PBK: variants seen among roughly 807,000 people sequenced by gnomAD.
PBK encodes lymphokine-activated killer T-cell-originated protein kinase.
In PBK, 22 loss-of-function variants were observed where a neutral mutation model predicts 33.5. The observed-to-expected ratio is 0.66, with a 90% CI of 0.47 to 0.94. PBK has a LOEUF of 0.94. Ranked by LOEUF, PBK falls within the 40% of genes least tolerant of loss-of-function variation. PBK has a pLI of 0.00. For missense variants in PBK, 376 were observed against 383.4 expected, an observed-to-expected ratio of 0.98 and a Z score of 0.16; for synonymous variants, 129 against 123.8, an observed-to-expected ratio of 1.04 and a Z score of -0.28.
rs763588842 is a variant in PBK at position 27,823,195 on chromosome 8, C to T, written c.163G>A (p.Gly55Ser). 1.3e-6 allele frequency: 2 copies of T among 1,509,688 alleles called. No individual in the cohort carries two copies. Among genetic ancestry groups the T allele is most frequent in the South Asian group, 2.5e-5 (2 of 80,698 alleles). 93.5% of individuals were successfully genotyped at this position (1,509,688 alleles called of 1,614,324 possible). A position where few individuals can be genotyped will look rare whatever the true frequency, so the allele number is the denominator to read the frequency against. ...ACAGCCCAAGGAGAATGAGACAAAC[C>T]TCTTGGAGATCTAAGAAAAAAATTC... ...NVYLMKRSPRGLSHSPWAVKK... is the reference protein window; with the variant it reads ...NVYLMKRSPRSLSHSPWAVKK... The change falls in exon 4 of 8, where the codon GGT (glycine) becomes AGT (serine). Residue 55 changes from glycine to serine, a missense_variant. Coordinates refer to ENST00000301905, the MANE Select transcript of PBK (RefSeq NM_018492.4).
rs200751478 is a variant in PBK, at chr8:27,836,146, A to T, written c.-21+1506T>A. On this transcript the variant is annotated intron_variant, in intron 1 of 7. Transcript: ENST00000301905. ...CAAGAAAGGTCTCCTTGAGAAACTC[A>T]TTTGAAGGAAGTGAGGGAGCAGGCC... 1.9e-4 allele frequency among the ~76,000 whole-genome samples: 29 copies of T among 152,326 alleles called. No homozygotes were observed. The East Asian group carries it at 4.6e-3, about 24-fold the overall frequency.
chr8:27,813,654 C>G lies in PBK; in HGVS notation c.596-2520G>C, dbSNP rs1805747869. The stretch of plus-strand genomic sequence containing the variant: ...TTGTGTGTGTGAGAATACTCAAGAT[C>G]TACTCTCAGCAAATCTCAAGTGTAC... On this transcript the variant is annotated intron_variant, in intron 6 of 7. Transcript: ENST00000301905. 4.0e-5 allele frequency among the ~76,000 whole-genome samples: 6 copies of G among 151,664 alleles called. No individual in the cohort carries two copies. In the South Asian group the frequency reaches 8.4e-4, roughly 21 times the overall value.
intron 2 of PBK, among the ~76,000 whole-genome samples, chr8:27,828,707 CT>C: frequency 7.9e-6 from 1 of 125,914 alleles, no homozygotes; most frequent in East Asian, 2.4e-4. Context: ...GTGCAGTGAG[CT>C]GTGTTCAGCC....
intron 7 of PBK, among the ~76,000 whole-genome samples, 183 bp from the exon 8 acceptor site, chr8:27,810,684 T>G (rs1034226216): frequency 2.0e-5 from 3 of 152,190 alleles, no homozygotes; most frequent in African/African-American, 7.2e-5. Flanking sequence ...GTCTTGGATT[T>G]ATAGGTTATC....
intron 6 of PBK, 126 bp from the exon 7 acceptor site, chr8:27,811,260 T>TA (rs1303954777): frequency 1.1e-5 from 8 of 748,950 alleles, no homozygotes; most frequent in East Asian, 1.0e-4. Context: ...CCAGAAAATG[T>TA]AAAAATACAC....
rs149510232 is a variant in PBK, at chr8:27,826,148, C to G, written c.152+1957G>C. 7.9e-3 allele frequency among the ~76,000 whole-genome samples: 1,202 copies of G among 152,122 alleles called. 14 individuals carry two copies. Among genetic ancestry groups the G allele is most frequent in the African/African-American group, 0.027 (1,137 of 41,484 alleles). On this transcript the variant is annotated intron_variant, in intron 3 of 7. Coordinates refer to ENST00000301905, the MANE Select transcript of PBK (RefSeq NM_018492.4). ...GTCAAAAAGGCTTCATAATTCTCAA[C>G]AGCAACAGTGTAAGCTAGAAAAAAA...
chr8:27,820,505 A>T, intron 6 of PBK, 60 bp downstream of exon 6: 4 of 978,864 alleles, frequency 4.1e-6, no homozygotes, highest in Non-Finnish European at 6.2e-6. Flanking sequence ...GGACTTACGT[A>T]TTTAAAAATG....
rs1806254036 is a variant in PBK, at chr8:27,837,688, A to C, written c.-57T>G. On this transcript the variant is annotated 5_prime_UTR_variant, in exon 1 of 8. Transcript: ENST00000301905. Reference sequence around the variant, plus strand: ...CGCCTGGAAGGAAAGGTCGGAGGTGAAAATAAGTCGTGGCCAAGTACCTCT... The same window carrying C: ...CGCCTGGAAGGAAAGGTCGGAGGTGCAAATAAGTCGTGGCCAAGTACCTCT... 1 of 152,266 alleles carries C rather than the reference A, an allele frequency of 6.6e-6. No homozygotes were observed. Among genetic ancestry groups the C allele is most frequent in the Admixed American group, 6.5e-5 (1 of 15,280 alleles). The allele number at this position is 152,266 out of a possible 1,614,324, so 9.4% of individuals were successfully genotyped here.
chr8:27,823,996 CAA>C (rs1292214140), intron 3 of PBK, among the ~76,000 whole-genome samples: 4 of 152,122 alleles, frequency 2.6e-5, no homozygotes, highest in South Asian at 2.1e-4. Context: ...GAACACAAAA[CAA>C]GAGATTGAAT....
intron 6 of PBK, among the ~76,000 whole-genome samples, chr8:27,818,738 T>C (rs1585425782): frequency 6.6e-6 from 1 of 152,244 alleles, no homozygotes; most frequent in East Asian, 1.9e-4. Flanking sequence ...TGATATAGAA[T>C]TCTTTTTTTT....
At chr8:27,811,188 A>C (rs1805674490) in intron 6 of PBK, 54 bp from the exon 7 acceptor site, 1 of 1,522,964 alleles carries the variant, frequency 6.6e-7, no homozygotes. Flanking sequence ...CGAAAAGGCA[A>C]GCAACCCAAA....
chr8:27,834,046 T>C (rs1484210646), intron 1 of PBK, among the ~76,000 whole-genome samples: 1 of 148,286 alleles, frequency 6.7e-6, no homozygotes, highest in African/African-American at 2.5e-5. Context: ...TTTTTTTTTT[T>C]AGATGGAGTC....
At chr8:27,825,663 T>C (rs1273212830) in intron 3 of PBK, among the ~76,000 whole-genome samples, 1 of 152,190 alleles carries the variant, frequency 6.6e-6, no homozygotes, top group Non-Finnish European at 1.5e-5. Flanking sequence ...AATGAGTTTT[T>C]ACATGTGCAT....
chr8:27,811,104 G>A lies in PBK; in HGVS notation c.626C>T (p.Thr209Ile). The A allele has an allele frequency of 1.9e-6, 3 of 1,613,668 alleles. No individual in the cohort carries two copies. Among genetic ancestry groups the A allele is most frequent in the Non-Finnish European group, 2.5e-6 (3 of 1,179,610 alleles). ...AGCTTCTTTGGGTTTCCATGGCTCT[G>A]TGCCAATGTAACAAGCCTCAGGGTC... Reference protein sequence around the residue: ...VTDPEACYIGTEPWKPKEAVE... With the variant: ...VTDPEACYIGIEPWKPKEAVE... The change falls in exon 7 of 8, where the codon ACA (threonine) becomes ATA (isoleucine). Residue 209 changes from threonine (T) to isoleucine (I), a missense_variant. Physicochemically the swap from Thr to Ile is moderately conservative, Grantham distance 89. Coordinates refer to ENST00000301905, the MANE Select transcript of PBK (RefSeq NM_018492.4).
At chr8:27,831,198 C>T (rs957955330) in intron 2 of PBK, among the ~76,000 whole-genome samples, 7 of 151,928 alleles carry the variant, frequency 4.6e-5, no homozygotes, top group Non-Finnish European at 7.4e-5. Context: ...ACTGAAAATA[C>T]AAAAATTAGC....
intron 2 of PBK, among the ~76,000 whole-genome samples, chr8:27,831,706 C>T (rs1016116884): frequency 6.6e-6 from 1 of 152,048 alleles, no homozygotes; most frequent in Non-Finnish European, 1.5e-5. Context: ...TGAAAAAGGA[C>T]ACTAGAAGGT....
Position 27,822,332 on chromosome 8 carries a change from G to A in PBK, c.452C>T (p.Ala151Val), listed in dbSNP as rs556489077. The change falls in exon 5 of 8, where the codon GCA becomes GTA. Residue 151 changes from alanine (A) to valine (V), a missense_variant. By Grantham distance (64) the Ala-to-Val change is moderately conservative. Transcript: ENST00000301905. ...TGACATAGTTACCTTTAACCCTCTT[G>A]CCATATTCAAAGCAACTTTTAAAAT... ...AIILKVALNM[A>V]RGLKYLHQEK... 17 of 1,609,106 alleles carry A rather than the reference G, an allele frequency of 1.1e-5. No homozygotes were observed. The South Asian group carries it at 1.9e-4, about 18-fold the overall frequency.
At chr8:27,811,986 A>C (rs1191179142) in intron 6 of PBK, 1 of 152,208 alleles carries the variant, frequency 6.6e-6, no homozygotes, top group African/African-American at 2.4e-5. Context: ...GCTGTTTTAT[A>C]GATTCCTTGG....
Position 27,823,148 on chromosome 8 carries a change from A to C in PBK, c.210T>G (p.Cys70Trp). The change falls in exon 4 of 8, where the codon TGT becomes TGG. Residue 70 changes from cysteine (C) to tryptophan (W), a missense_variant. Transcript: ENST00000301905. ...GATACACACTTCGATAATGATCATTACATATAGGATTAATCTTTTTTACAG... is the reference window on the plus strand; with the variant it reads ...GATACACACTTCGATAATGATCATTCCATATAGGATTAATCTTTTTTACAG... ...PWAVKKINPI[C>W]NDHYRSVYQK... 6.4e-7 allele frequency: 1 copy of C among 1,554,780 alleles called. No homozygotes were observed. Among genetic ancestry groups the C allele is most frequent in the Non-Finnish European group, 8.9e-7 (1 of 1,128,068 alleles).
Sources: gnomAD v4.1 joint callset for allele counts (sites outside exome capture counted in the v4.1 genomes callset) on GRCh38, gnomAD v4.1.1 for gene constraint, MANE v1.5 for transcripts, NCBI Gene and HGNC (gene_info 2026-07-23, HGNC 2026-07-21) for gene names.